The following BCAR3 variants were observed in gnomAD, a reference collection of about 807,000 sequenced individuals.
BCAR3 encodes the protein BCAR3 adaptor protein, NSP family member, also known as breast cancer anti-estrogen resistance protein 3.
BCAR3 carries 37 observed loss-of-function variants against 80.1 expected under a neutral mutation model. The ratio of observed to expected loss-of-function variants is 0.46; its 90% CI spans 0.36 to 0.61. The LOEUF (loss-of-function observed/expected upper bound fraction) is 0.61, where lower values mean the gene tolerates loss of function less well. Among genes scored for constraint, BCAR3 ranks in the 20% least tolerant of loss-of-function variants. The probability of loss-of-function intolerance (pLI) is 0.00; values close to 1 mark genes in which losing one functional copy is unlikely to be tolerated. For missense variants in BCAR3, 978 were observed against 1,068.2 expected (o/e 0.92, Z 1.18); for synonymous variants, 389 against 418.9 (o/e 0.93, Z 0.87).
intron 2 of BCAR3, among the ~76,000 whole-genome samples, chr1:93,838,699 C>A (rs572459732): frequency 6.6e-6 from 1 of 152,264 alleles, no homozygotes; most frequent in South Asian, 2.1e-4. Context: ...AGTTATTATA[C>A]AATTACACTG....
intron 2 of BCAR3, among the ~76,000 whole-genome samples, chr1:93,802,705 AGAG>A (rs1653524969): frequency 6.6e-6 from 1 of 152,246 alleles, no homozygotes; most frequent in Non-Finnish European, 1.5e-5. Flanking sequence ...AGGAATGGTC[AGAG>A]GAGGAGTGAG....
intron 1 of BCAR3, among the ~76,000 whole-genome samples, chr1:93,680,939 C>G (rs1342503963): frequency 6.6e-6 from 1 of 152,188 alleles, no homozygotes; most frequent in Non-Finnish European, 1.5e-5. Context: ...TCCTTCCCAC[C>G]GTCCCTCCCT....
intron 2 of BCAR3, among the ~76,000 whole-genome samples, chr1:93,765,261 A>C (rs1652106220): frequency 6.6e-6 from 1 of 152,218 alleles, no homozygotes; most frequent in Non-Finnish European, 1.5e-5. Flanking sequence ...TTTTCTTAAT[A>C]AATATTTAAT....
At chr1:93,619,101 T>A (rs75718669) in intron 3 of BCAR3, among the ~76,000 whole-genome samples, 2 of 83,560 alleles carry the variant, frequency 2.4e-5, no homozygotes, top group African/African-American at 9.0e-5. Context: ...ACCACGCCAA[T>A]TTTTTTTTTT....
chr1:93,758,606 T>C (rs1279185196), intron 2 of BCAR3, among the ~76,000 whole-genome samples: 2 of 152,348 alleles, frequency 1.3e-5, no homozygotes, highest in East Asian at 3.9e-4. Context: ...CTAGTGTATG[T>C]CATTTTTAAA....
intron 2 of BCAR3, among the ~76,000 whole-genome samples, chr1:93,715,079 C>G (rs1456416738): frequency 6.6e-6 from 1 of 152,134 alleles, no homozygotes; most frequent in African/African-American, 2.4e-5. Context: ...TTATTGCATG[C>G]CTACCATGTG....
chr1:93,824,035 A>T (rs1486034037), intron 2 of BCAR3, among the ~76,000 whole-genome samples: 3 of 133,830 alleles, frequency 2.2e-5, no homozygotes, highest in African/African-American at 7.5e-5. Context: ...GTCACCCCTC[A>T]CTAGAAGGTA....
chr1:93,707,400 A>T (rs1649861981), intron 2 of BCAR3, among the ~76,000 whole-genome samples: 1 of 152,156 alleles, frequency 6.6e-6, no homozygotes, highest in Admixed American at 6.5e-5. Context: ...TCCGCATTAA[A>T]TAATTATGCT....
At chr1:93,672,043 T>C (rs1336300873) in intron 2 of BCAR3, among the ~76,000 whole-genome samples, 3 of 152,176 alleles carry the variant, frequency 2.0e-5, no homozygotes, top group Non-Finnish European at 4.4e-5. Context: ...CAATAAGATA[T>C]TTTCAGTTAA....
At chr1:93,765,614 T>TATC (rs930386613) in intron 2 of BCAR3, among the ~76,000 whole-genome samples, 1 of 152,088 alleles carries the variant, frequency 6.6e-6, no homozygotes, top group African/African-American at 2.4e-5. Flanking sequence ...TTATTATTAT[T>TATC]ATCATTATTT....
chr1:93,574,841 A>T (rs1673382504), intron 8 of BCAR3, among the ~76,000 whole-genome samples: 1 of 152,334 alleles, frequency 6.6e-6, no homozygotes, highest in African/African-American at 2.4e-5. Context: ...AGAATTCCCC[A>T]GAGGCTTAAG....
intron 3 of BCAR3, among the ~76,000 whole-genome samples, chr1:93,688,166 A>G (rs1215999738): frequency 1.3e-5 from 2 of 152,256 alleles, no homozygotes; most frequent in African/African-American, 2.4e-5. Flanking sequence ...TGATAGCTGC[A>G]TACTTACTAT....
At chr1:93,846,751 G>T in intron 1 of BCAR3, 1 of 406,166 alleles carries the variant, frequency 2.5e-6, no homozygotes, top group Middle Eastern at 7.8e-4. Context: ...CCCCGGGCGC[G>T]CGGGCTCGGG....
intron 2 of BCAR3, among the ~76,000 whole-genome samples, chr1:93,814,040 G>A (rs1653936826): frequency 6.6e-6 from 1 of 152,118 alleles, no homozygotes. Context: ...TTTATGACAG[G>A]AAAATCACAG....
At chr1:93,576,246 C>T in intron 7 of BCAR3, 117 bp from the exon 8 acceptor site, 1 of 729,206 alleles carries the variant, frequency 1.4e-6, no homozygotes, top group Non-Finnish European at 2.4e-6. Context: ...TTATGAGTTA[C>T]ATTTCTTTAT....
chr1:93,764,694 G>A (rs1159739995), intron 2 of BCAR3, among the ~76,000 whole-genome samples: 3 of 152,144 alleles, frequency 2.0e-5, no homozygotes, highest in South Asian at 4.2e-4. Context: ...CAGTGCCTAG[G>A]GTGCCCAGAG....
At chr1:93,763,137 C>G (rs965722863) in intron 2 of BCAR3, among the ~76,000 whole-genome samples, 1 of 152,318 alleles carries the variant, frequency 6.6e-6, no homozygotes, top group Admixed American at 6.5e-5. Context: ...GAACACAGCT[C>G]ACTGTAACCT....
intron 2 of BCAR3, among the ~76,000 whole-genome samples, chr1:93,835,717 TC>T (rs1654739816): frequency 6.6e-6 from 1 of 152,130 alleles, no homozygotes; most frequent in South Asian, 2.1e-4. Flanking sequence ...CCCCCTCCCT[TC>T]CCTACACATC....
chr1:93,607,077 T>C (rs973566609), intron 3 of BCAR3, among the ~76,000 whole-genome samples: 3 of 152,204 alleles, frequency 2.0e-5, no homozygotes, highest in African/African-American at 7.2e-5. Flanking sequence ...AGGGACATAA[T>C]AGACACTGGG....
Sources: gnomAD v4.1 joint callset for allele counts (sites outside exome capture counted in the v4.1 genomes callset) on GRCh38, gnomAD v4.1.1 for gene constraint, MANE v1.5 for transcripts, NCBI Gene and HGNC (gene_info 2026-07-23, HGNC 2026-07-21) for gene names.